Variants in PSMF1 observed in about 807,000 individuals in gnomAD.
PSMF1 encodes proteasome inhibitor PI31 subunit.
Under a neutral mutation model 29.3 loss-of-function variants are expected in PSMF1, and 30 were observed. The ratio of observed to expected loss-of-function variants is 1.02; its 90% CI spans 0.77 to 1.39. PSMF1 has a LOEUF of 1.39. Among genes scored for constraint, PSMF1 ranks in the 40% most tolerant of loss-of-function variants. The pLI is 0.00. For missense variants in PSMF1, 344 were observed against 357.5 expected (o/e 0.96, Z 0.31); for synonymous variants, 134 against 139.7 (o/e 0.96, Z 0.29).
At chr20:1,142,485 T>A (rs1319077329) in intron 4 of PSMF1, among the ~76,000 whole-genome samples, 1 of 152,072 alleles carries the variant, frequency 6.6e-6, no homozygotes, top group Non-Finnish European at 1.5e-5. Context: ...GTGTTCTCAT[T>A]GTTCAATTCC....
Position 1,135,358 on chromosome 20 carries a change from G to A in PSMF1, c.551+52G>A, listed in dbSNP as rs371801052. The A allele has an allele frequency of 2.6e-5, 39 of 1,524,320 alleles. No homozygotes were observed. In the African/African-American group the frequency reaches 4.7e-4, roughly 18 times the overall value. The allele number at this position is 1,524,320 out of a possible 1,614,324, so 94.4% of individuals were successfully genotyped here. On this transcript the variant is annotated intron_variant, in intron 4 of 6. Coordinates refer to ENST00000335877, the MANE Select transcript of PSMF1 (RefSeq NM_006814.5). ...CCCATGCTTCTGTAGAGGGATTCCA[G>A]CCAGCTATCCCCATCCTGCCACTTG...
Position 1,118,734 on chromosome 20 carries a change from G to GC in PSMF1, c.-35dup. Reference sequence around the variant, plus strand: ...GGAGCCGGCTCACTGCACTACCCCCGCCCCCTTCTTTCCTCCAGACGCCGA... The same window carrying GC: ...GGAGCCGGCTCACTGCACTACCCCCGCCCCCCTTCTTTCCTCCAGACGCCGA... On this transcript the variant is annotated 5_prime_UTR_variant, in exon 1 of 7. Coordinates refer to ENST00000335877, the MANE Select transcript of PSMF1 (RefSeq NM_006814.5). The GC allele has an allele frequency of 6.3e-7, 1 of 1,597,252 alleles. No homozygotes were observed. The highest frequency in any genetic ancestry group is 8.5e-7 in the Non-Finnish European group (1 of 1,170,676).
intron 4 of PSMF1, among the ~76,000 whole-genome samples, chr20:1,148,015 G>T (rs2122557763): frequency 6.6e-6 from 1 of 152,262 alleles, no homozygotes; most frequent in Admixed American, 6.5e-5. Flanking sequence ...ACAGTCCAGT[G>T]TCTCACCCCT....
rs530103569 is a variant in PSMF1, at chr20:1,159,551, A to T, written c.552-3579A>T. ...CAGAGAGAAAAATAGAGATGGTTGC[A>T]TATTTCAGAGCAATCTTTATTCCCA... On this transcript the variant is annotated intron_variant, in intron 4 of 6. Coordinates refer to ENST00000335877, the MANE Select transcript of PSMF1 (RefSeq NM_006814.5). 3.4e-4 allele frequency among the ~76,000 whole-genome samples: 52 copies of T among 152,352 alleles called. No individual in the cohort carries two copies. In the South Asian group the frequency reaches 0.01, roughly 30 times the overall value.
chr20:1,132,969 G>GTTTTTTTTTTTTTTTTTTTTTTTT (rs60189289), intron 3 of PSMF1, among the ~76,000 whole-genome samples: 1 of 134,114 alleles, frequency 7.5e-6, no homozygotes, highest in Non-Finnish European at 1.6e-5. Flanking sequence ...GGGTTTTTTT[G>GTTTTTTTTTTTTTTTTTTTTTTTT]TTTTTTTTTT....
chr20:1,143,626 G>T (rs553288368), intron 4 of PSMF1, among the ~76,000 whole-genome samples: 1 of 152,156 alleles, frequency 6.6e-6, no homozygotes, highest in African/African-American at 2.4e-5. Context: ...TGCTAAATTG[G>T]ACTTCATTGA....
chr20:1,172,213 C>G lies in PSMF1; in HGVS notation c.*7133C>G, dbSNP rs574195998. Among the ~76,000 whole-genome samples the G allele has an allele frequency of 1.1e-4, 17 of 152,320 alleles. No individual in the cohort carries two copies. Among genetic ancestry groups the G allele is most frequent in the Admixed American group, 3.9e-4 (6 of 15,302 alleles). ...CCACAAATGTGCTCTGACTGGCGTGCATGTTATTAAATTTGATAAGATGCA... is the reference window on the plus strand; with the variant it reads ...CCACAAATGTGCTCTGACTGGCGTGGATGTTATTAAATTTGATAAGATGCA... On this transcript the variant is annotated 3_prime_UTR_variant, in exon 7 of 7. Transcript: ENST00000335877.
intron 4 of PSMF1, among the ~76,000 whole-genome samples, chr20:1,144,143 G>T (rs1414509680): frequency 6.6e-6 from 1 of 152,094 alleles, no homozygotes. Context: ...CACTGAGAAG[G>T]ATGTACAGAT....
rs1308124552 is a variant in PSMF1, at chr20:1,167,725, T to C, written c.*2645T>C. 1.3e-5 allele frequency: 2 copies of C among 152,224 alleles called. No homozygotes were observed. Among genetic ancestry groups the C allele is most frequent in the Non-Finnish European group, 2.9e-5 (2 of 68,040 alleles). 9.4% of individuals were successfully genotyped at this position (152,224 alleles called of 1,614,324 possible). A position where few individuals can be genotyped will look rare whatever the true frequency, so the allele number is the denominator to read the frequency against. On this transcript the variant is annotated 3_prime_UTR_variant, in exon 7 of 7. Coordinates refer to ENST00000335877, the MANE Select transcript of PSMF1 (RefSeq NM_006814.5). ...CACATTTTGCTTATCCTTTTATCAG[T>C]TGATGGACAGTTGGGTTGTTTCTAC...
Position 1,170,994 on chromosome 20 carries a change from G to A in PSMF1, c.*5914G>A, listed in dbSNP as rs1568489240. Among the ~76,000 whole-genome samples the A allele has an allele frequency of 2.0e-5, 3 of 152,208 alleles. No individual in the cohort carries two copies. The highest frequency in any genetic ancestry group is 2.0e-4 in the Admixed American group (3 of 15,296). ...GTGGCAGAACCGTGATTGGAACCCA[G>A]GTCAGTGCTCTTTTCAGTAGAACTG... On this transcript the variant is annotated 3_prime_UTR_variant, in exon 7 of 7. Transcript: ENST00000335877.
At chr20:1,162,532 A>G (rs1360065082) in intron 4 of PSMF1, among the ~76,000 whole-genome samples, 1 of 152,328 alleles carries the variant, frequency 6.6e-6, no homozygotes, top group South Asian at 2.1e-4. Flanking sequence ...CTTCTAGCTC[A>G]TGCATTCTCC....
Position 1,172,226 on chromosome 20 carries a change from T to G in PSMF1, c.*7146T>G, listed in dbSNP as rs1270878991. On this transcript the variant is annotated 3_prime_UTR_variant, in exon 7 of 7. Coordinates refer to ENST00000335877, the MANE Select transcript of PSMF1 (RefSeq NM_006814.5). ...CTGACTGGCGTGCATGTTATTAAAT[T>G]TGATAAGATGCATGATGGCAGCTAT... 6.6e-6 allele frequency among the ~76,000 whole-genome samples: 1 copy of G among 152,240 alleles called. No homozygotes were observed. The highest frequency in any genetic ancestry group is 1.5e-5 in the Non-Finnish European group (1 of 68,042).
intron 4 of PSMF1, among the ~76,000 whole-genome samples, chr20:1,159,506 C>T (rs1334749175): frequency 6.6e-6 from 1 of 152,220 alleles, no homozygotes; most frequent in African/African-American, 2.4e-5. Context: ...TTTCTTCTCT[C>T]TTCCCCACAT....
chr20:1,130,510 A>G (rs779620996), intron 3 of PSMF1, among the ~76,000 whole-genome samples: 3 of 152,186 alleles, frequency 2.0e-5, no homozygotes, highest in African/African-American at 7.2e-5. Flanking sequence ...CCCTCTGTCT[A>G]AAGTGCTCTC....
In PSMF1 at chr20:1,125,508, A is replaced by G. The variant is rs950052320; in HGVS notation, c.140A>G (p.Asn47Ser). The change falls in exon 2 of 7, where the codon AAT (asparagine) becomes AGT (serine). Residue 47 changes from asparagine to serine, a missense_variant. Physicochemically the swap from Asn to Ser is conservative, Grantham distance 46. Coordinates refer to ENST00000335877, the MANE Select transcript of PSMF1 (RefSeq NM_006814.5). ...GLGVGDQPGP[N>S]DKKSELLPAG... ...CTGTGGTCTTCCCAGCCGGGTCCCA[A>G]TGATAAGAAGTCAGAACTGCTGCCA... 9.3e-6 allele frequency: 15 copies of G among 1,608,228 alleles called. No individual in the cohort carries two copies. The Admixed American group carries it at 1.2e-4, about 13-fold the overall frequency.
At position 1,168,849 on chromosome 20, in the gene PSMF1, C is replaced by A. The variant is rs1041645391; in HGVS notation, c.*3769C>A. ...CTTCTGTACATTTCCAATAAGGCAC[C>A]ACCAGGGCAAGGGAAGATTCCCCAC... On this transcript the variant is annotated 3_prime_UTR_variant, in exon 7 of 7. Transcript: ENST00000335877. Among the ~76,000 whole-genome samples the A allele has an allele frequency of 2.0e-5, 3 of 152,154 alleles. No homozygotes were observed. The highest frequency in any genetic ancestry group is 7.2e-5 in the African/African-American group (3 of 41,434).
In PSMF1 at chr20:1,169,822, T is replaced by C. The variant is rs570389243; in HGVS notation, c.*4742T>C. Among the ~76,000 whole-genome samples the C allele has an allele frequency of 2.0e-5, 3 of 152,182 alleles. No homozygotes were observed. The highest frequency in any genetic ancestry group is 2.9e-5 in the Non-Finnish European group (2 of 68,032). On this transcript the variant is annotated 3_prime_UTR_variant, in exon 7 of 7. Coordinates refer to ENST00000335877, the MANE Select transcript of PSMF1 (RefSeq NM_006814.5). ...TCTCAAATGGTACTGGCATGGAATA[T>C]TGGGGAGATGTCTTTATTCCCTCTT...
At chr20:1,142,965 A>T (rs182583038) in intron 4 of PSMF1, among the ~76,000 whole-genome samples, 1 of 152,212 alleles carries the variant, frequency 6.6e-6, no homozygotes, top group Non-Finnish European at 1.5e-5. Flanking sequence ...AGATTTTTAT[A>T]CTGAAAACTA....
At position 1,118,700 on chromosome 20, in the gene PSMF1, C is replaced by A; in HGVS notation, c.-74C>A. 2 of 1,501,454 alleles carry A rather than the reference C, an allele frequency of 1.3e-6. No individual in the cohort carries two copies. The highest frequency in any genetic ancestry group is 1.2e-5 in the South Asian group (1 of 81,464). 93.0% of individuals were successfully genotyped at this position (1,501,454 alleles called of 1,614,324 possible). A position where few individuals can be genotyped will look rare whatever the true frequency, so the allele number is the denominator to read the frequency against. Reference sequence around the variant, plus strand: ...AAGAGGGAAGCAGAGTTATAGCTACCCCGGCCGCGGAGCCGGCTCACTGCA... The same window carrying A: ...AAGAGGGAAGCAGAGTTATAGCTACACCGGCCGCGGAGCCGGCTCACTGCA... On this transcript the variant is annotated 5_prime_UTR_variant, in exon 1 of 7. Transcript: ENST00000335877.
Sources: gnomAD v4.1 joint callset for allele counts (sites outside exome capture counted in the v4.1 genomes callset) on GRCh38, gnomAD v4.1.1 for gene constraint, MANE v1.5 for transcripts, NCBI Gene and HGNC (gene_info 2026-07-23, HGNC 2026-07-21) for gene names.